The following CEP70 variants were observed in gnomAD, a reference collection of about 807,000 sequenced individuals.
CEP70 encodes the protein centrosomal protein of 70 kDa.
Under a neutral mutation model 90.9 loss-of-function variants are expected in CEP70, and 70 were observed. That is an observed-to-expected ratio of 0.77 (90% CI 0.64 to 0.94). The LOEUF is 0.94. CEP70 is among the 40% of genes least tolerant of loss of function. The pLI, the probability that CEP70 is intolerant of heterozygous loss-of-function variation, is 0.00. For missense variants in CEP70, 648 were observed against 669.0 expected (o/e 0.97, Z 0.35); for synonymous variants, 220 against 228.3 (o/e 0.96, Z 0.33).
Position 138,587,059 on chromosome 3 carries a change from C to G in CEP70, c.-6+4795G>C, listed in dbSNP as rs138403993. On this transcript the variant is annotated intron_variant, in intron 2 of 17. Coordinates refer to ENST00000264982, the MANE Select transcript of CEP70 (RefSeq NM_024491.4). ...ATACTAGAAAGACGTGCTCACAAAA[C>G]AGATAGGAACTATAACCTCTATATT... is the stretch of plus-strand genomic sequence containing the variant. Among the ~76,000 whole-genome samples the G allele has an allele frequency of 8.1e-3, 1,233 of 151,918 alleles. 16 individuals are homozygous for G. Among genetic ancestry groups the G allele is most frequent in the African/African-American group, 0.029 (1,192 of 41,476 alleles).
chr3:138,592,072 C>A, intron 1 of CEP70, 116 bp from the exon 2 acceptor site: 1 of 517,816 alleles, frequency 1.9e-6, no homozygotes. Flanking sequence ...ACAGATAAAG[C>A]AGGCACAACT....
chr3:138,501,853 G>T (rs2034536272), intron 13 of CEP70, among the ~76,000 whole-genome samples: 1 of 152,172 alleles, frequency 6.6e-6, no homozygotes, highest in South Asian at 2.1e-4. Context: ...ACACTCAAAA[G>T]AAATGCTCAT....
Position 138,508,426 on chromosome 3 carries a change from ATCAAT to A in CEP70, c.1050+8_1050+12del. The A allele has an allele frequency of 6.6e-7, 1 of 1,525,472 alleles. No individual in the cohort carries two copies. 94.5% of individuals were successfully genotyped at this position (1,525,472 alleles called of 1,614,324 possible). A position where few individuals can be genotyped will look rare whatever the true frequency, so the allele number is the denominator to read the frequency against. On this transcript the variant is annotated splice_region_variant and intron_variant, in intron 12 of 17. Transcript: ENST00000264982. Reference sequence around the variant, plus strand: ...AACATCAGTCTTTTTGTCATGAAAAATCAATTCAATACCTGAAAGTATCTCTGGTC... The same window carrying A: ...AACATCAGTCTTTTTGTCATGAAAAATCAATACCTGAAAGTATCTCTGGTC...
chr3:138,582,082 TG>T, intron 2 of CEP70, among the ~76,000 whole-genome samples: 1 of 152,308 alleles, frequency 6.6e-6, no homozygotes, highest in East Asian at 1.9e-4. Context: ...ACACCAGACC[TG>T]GCCTACAAGA....
intron 6 of CEP70, 76 bp from the exon 7 acceptor site, chr3:138,537,423 AG>A: frequency 1.0e-6 from 1 of 956,238 alleles, no homozygotes; most frequent in South Asian, 2.4e-5. Context: ...TTGTACACAA[AG>A]GCATCTTCAT....
intron 7 of CEP70, among the ~76,000 whole-genome samples, chr3:138,535,939 C>T (rs368937120): frequency 4.0e-5 from 6 of 151,742 alleles, no homozygotes; most frequent in African/African-American, 1.5e-4. Context: ...ATGTGTTTGT[C>T]GTTACTTTTC....
intron 6 of CEP70, among the ~76,000 whole-genome samples, chr3:138,544,451 CA>C (rs1295436761): frequency 1.3e-5 from 2 of 151,258 alleles, no homozygotes; most frequent in African/African-American, 4.9e-5. Context: ...CTATGGAAAA[CA>C]GTATGGAGGT....
At chr3:138,541,775 A>G (rs2038786268) in intron 6 of CEP70, among the ~76,000 whole-genome samples, 1 of 152,208 alleles carries the variant, frequency 6.6e-6, no homozygotes, top group African/African-American at 2.4e-5. Flanking sequence ...TAATCCCAGC[A>G]CTTTGGGAGG....
chr3:138,503,870 C>T (rs911491186), intron 13 of CEP70, among the ~76,000 whole-genome samples: 6 of 152,166 alleles, frequency 3.9e-5, no homozygotes, highest in Non-Finnish European at 8.8e-5. Context: ...TTTTATGTCA[C>T]TCATTTCCTT....
At chr3:138,576,099 CA>C (rs2041504530) in intron 2 of CEP70, among the ~76,000 whole-genome samples, 1 of 152,154 alleles carries the variant, frequency 6.6e-6, no homozygotes, top group African/African-American at 2.4e-5. Context: ...TCACACATAA[CA>C]ATATTAACCT....
At chr3:138,502,624 C>G (rs1263938182) in intron 13 of CEP70, among the ~76,000 whole-genome samples, 1 of 151,140 alleles carries the variant, frequency 6.6e-6, no homozygotes, top group Non-Finnish European at 1.5e-5. Flanking sequence ...ATAAAGTAAT[C>G]TATGGTAAAA....
At chr3:138,582,035 T>A (rs868057961) in intron 2 of CEP70, among the ~76,000 whole-genome samples, 2 of 152,322 alleles carry the variant, frequency 1.3e-5, no homozygotes, top group Middle Eastern at 6.8e-3. Context: ...AGCAATAAGT[T>A]TGTTCCCAGA....
chr3:138,503,572 T>C (rs2034710418), intron 13 of CEP70, among the ~76,000 whole-genome samples: 1 of 152,172 alleles, frequency 6.6e-6, no homozygotes, highest in South Asian at 2.1e-4. Context: ...ATTTGGACCC[T>C]GAAACTGTAG....
intron 8 of CEP70, chr3:138,530,520 A>G (rs2037716953): frequency 1.1e-6 from 1 of 909,342 alleles, no homozygotes; most frequent in Non-Finnish European, 1.3e-6. Flanking sequence ...AACAACAACA[A>G]CAAAAAACTT....
intron 11 of CEP70, among the ~76,000 whole-genome samples, chr3:138,520,426 G>C (rs1470094423): frequency 6.6e-6 from 1 of 152,094 alleles, no homozygotes; most frequent in Non-Finnish European, 1.5e-5. Context: ...CGACCACATA[G>C]TTGGAAGTAA....
intron 2 of CEP70, among the ~76,000 whole-genome samples, chr3:138,589,646 A>G (rs898017776): frequency 6.6e-6 from 1 of 152,134 alleles, no homozygotes; most frequent in Non-Finnish European, 1.5e-5. Context: ...TGACAGAGTA[A>G]GACTGTATCT....
intron 13 of CEP70, among the ~76,000 whole-genome samples, chr3:138,504,752 GAT>G (rs745953147): frequency 8.5e-5 from 13 of 152,180 alleles, no homozygotes; most frequent in Non-Finnish European, 1.5e-4. Flanking sequence ...TCCATGAAGA[GAT>G]AGGATAGGGA....
At chr3:138,515,980 C>G (rs560826955) in intron 11 of CEP70, among the ~76,000 whole-genome samples, 19 of 152,272 alleles carry the variant, frequency 1.2e-4, no homozygotes, top group African/African-American at 4.1e-4. Flanking sequence ...TTCAACCCAT[C>G]ATGAAGTCCT....
At chr3:138,592,105 C>T in intron 1 of CEP70, 149 bp from the exon 2 acceptor site, 2 of 501,088 alleles carry the variant, frequency 4.0e-6, no homozygotes, top group Non-Finnish European at 7.0e-6. Flanking sequence ...AATGGCCTTC[C>T]CAGCTCACCA....
Sources: gnomAD v4.1 joint callset for allele counts (sites outside exome capture counted in the v4.1 genomes callset) on GRCh38, gnomAD v4.1.1 for gene constraint, MANE v1.5 for transcripts, NCBI Gene and HGNC (gene_info 2026-07-23, HGNC 2026-07-21) for gene names.